DMD: variants seen among roughly 807,000 people sequenced by gnomAD.
DMD encodes mutant dystrophin.
In DMD, 63 loss-of-function variants were observed where a neutral mutation model predicts 330.1. The ratio of observed to expected loss-of-function variants is 0.19; its 90% CI spans 0.16 to 0.24. The LOEUF (loss-of-function observed/expected upper bound fraction) is 0.24, where lower values mean the gene tolerates loss of function less well. Ranked by LOEUF, DMD falls within the 10% of genes least tolerant of loss-of-function variation. The pLI is 1.00. For missense variants in DMD, 3,344 were observed against 2,684.1 expected, an observed-to-expected ratio of 1.25 and a Z score of -5.43; for synonymous variants, 1,223 against 959.8, an observed-to-expected ratio of 1.27 and a Z score of -5.07.
At chrX:32,684,181 A>C (rs981755270) in intron 9 of DMD, among the ~76,000 whole-genome samples, 1 of 110,301 alleles carries the variant, frequency 9.1e-6, no homozygotes, top group Non-Finnish European at 1.9e-5. Flanking sequence ...CTCCCTATGT[A>C]AGTGTTTAGT....
At chrX:31,190,276 G>A (rs1055959425) in intron 67 of DMD, among the ~76,000 whole-genome samples, 22 of 111,242 alleles carry the variant, frequency 2.0e-4, no homozygotes, top group African/African-American at 6.9e-4. Flanking sequence ...AAAAACAGAA[G>A]TTTACATAAG....
intron 48 of DMD, among the ~76,000 whole-genome samples, chrX:31,847,714 CAT>C (rs772059291): frequency 3.6e-5 from 4 of 111,832 alleles, no homozygotes; most frequent in Admixed American, 9.5e-5. Flanking sequence ...AAAGAAACCA[CAT>C]GAGATGGAAA....
intron 42 of DMD, among the ~76,000 whole-genome samples, chrX:32,305,927 C>A (rs1428357630): frequency 9.0e-6 from 1 of 110,926 alleles, no homozygotes; most frequent in African/African-American, 3.3e-5. Context: ...GACTCCCTTA[C>A]CTTCTTCCAA....
At position 32,418,972 on chromosome X, in the gene DMD, C is replaced by CAAAAAAAAAAAAAAAAAAAAAAAAAAAAA. The variant is rs1160282195; in HGVS notation, c.4072-7060_4072-7059insTTTTTTTTTTTTTTTTTTTTTTTTTTTTT. The stretch of plus-strand genomic sequence containing the variant: ...TGGGTGACAGAGTGAGACTCTGTCT[C>CAAAAAAAAAAAAAAAAAAAAAAAAAAAAA]AAAAAAAAAAAAAAAAAAAAAAAAA... On this transcript the variant is annotated intron_variant, in intron 29 of 78. Transcript: ENST00000357033. Among the ~76,000 whole-genome samples the CAAAAAAAAAAAAAAAAAAAAAAAAAAAAA allele has an allele frequency of 3.0e-4, 4 of 13,508 alleles. 1 individual carries two copies. Among genetic ancestry groups the CAAAAAAAAAAAAAAAAAAAAAAAAAAAAA allele is most frequent in the African/African-American group, 4.5e-4 (2 of 4,480 alleles). The allele number at this position is 13,508 out of a possible 115,157, so 11.7% of individuals were successfully genotyped here. A position where few individuals can be genotyped will look rare whatever the true frequency, so the allele number is the denominator to read the frequency against.
chrX:31,798,649 A>AT (rs2091934989), intron 50 of DMD, among the ~76,000 whole-genome samples: 1 of 111,697 alleles, frequency 9.0e-6, no homozygotes, highest in Non-Finnish European at 1.9e-5. Context: ...TCTGGGCACC[A>AT]TTCTAGGCAC....
At chrX:32,897,068 T>C (rs1466657171) in intron 2 of DMD, among the ~76,000 whole-genome samples, 1 of 105,225 alleles carries the variant, frequency 9.5e-6, no homozygotes, top group Non-Finnish European at 1.9e-5. Flanking sequence ...AATATATTTT[T>C]TTCATCAACG....
At chrX:31,746,349 T>C (rs1195877724) in intron 51 of DMD, among the ~76,000 whole-genome samples, 1 of 111,710 alleles carries the variant, frequency 9.0e-6, no homozygotes, top group Non-Finnish European at 1.9e-5. Context: ...TCTTCTGCTG[T>C]CTTCACATGG....
At chrX:33,256,698 C>T (rs1361607015) in intron 1 of DMD, among the ~76,000 whole-genome samples, 1 of 108,871 alleles carries the variant, frequency 9.2e-6, no homozygotes, top group Non-Finnish European at 1.9e-5. Flanking sequence ...TTTGTTTCAC[C>T]TGAACTAACA....
At chrX:32,640,039 C>CA (rs2059351147) in intron 11 of DMD, among the ~76,000 whole-genome samples, 1 of 108,257 alleles carries the variant, frequency 9.2e-6, no homozygotes, top group Non-Finnish European at 1.9e-5. Context: ...TCATTCCCTG[C>CA]AAAATTTTTT....
At chrX:31,206,406 A>C (rs771311401) in intron 66 of DMD, among the ~76,000 whole-genome samples, 176 bp downstream of exon 66, 4 of 112,635 alleles carry the variant, frequency 3.6e-5, no homozygotes, top group Non-Finnish European at 7.5e-5. Context: ...AAATGCCTGC[A>C]ATTTAATGTT....
At chrX:33,202,133 A>C (rs1002684798) in intron 1 of DMD, among the ~76,000 whole-genome samples, 1 of 111,823 alleles carries the variant, frequency 8.9e-6, no homozygotes, top group African/African-American at 3.2e-5. Context: ...CCAAAATTTT[A>C]ATGGGTTTTA....
chrX:32,263,100 T>C (rs1603629531), intron 43 of DMD, among the ~76,000 whole-genome samples: 1 of 112,336 alleles, frequency 8.9e-6, no homozygotes, highest in East Asian at 2.8e-4. Flanking sequence ...GAAGTTAAAA[T>C]GTAGAAAACA....
intron 44 of DMD, among the ~76,000 whole-genome samples, chrX:32,166,083 C>T (rs72626018): frequency 0.031 from 3,408 of 111,099 alleles, 100 homozygotes; most frequent in Admixed American, 0.15. Flanking sequence ...GGTATGAAAA[C>T]GGGCTAATAC....
At chrX:33,077,139 G>A (rs2406360) in intron 1 of DMD, among the ~76,000 whole-genome samples, 6,636 of 110,847 alleles carry the variant, frequency 0.06, 482 homozygotes, top group African/African-American at 0.21. Flanking sequence ...CAGTTTGGTG[G>A]GGGTCAGAAT....
chrX:32,221,769 C>G (rs180780539), intron 43 of DMD, among the ~76,000 whole-genome samples: 2 of 111,622 alleles, frequency 1.8e-5, no homozygotes, highest in East Asian at 5.7e-4. Flanking sequence ...CTTTGTGTAC[C>G]TACAGCGTAG....
chrX:32,409,856 C>A (rs776087727), intron 30 of DMD, among the ~76,000 whole-genome samples: 12 of 111,309 alleles, frequency 1.1e-4, no homozygotes, highest in Non-Finnish European at 1.7e-4. Context: ...AATTCAGAAA[C>A]AATTACTCAT....
At chrX:32,741,060 G>C (rs904540720) in intron 7 of DMD, among the ~76,000 whole-genome samples, 1 of 111,543 alleles carries the variant, frequency 9.0e-6, no homozygotes, top group Admixed American at 9.6e-5. Flanking sequence ...GTAACCTTTA[G>C]AAAATAAGTG....
rs146782993 is a variant in DMD at position 33,128,643 on chromosome X, C to T, written c.31+82639G>A. Among the ~76,000 whole-genome samples the T allele has an allele frequency of 3.0e-3, 334 of 111,810 alleles. 1 individual carries two copies. The highest frequency in any genetic ancestry group is 0.01 in the African/African-American group (322 of 30,745). ...CACCTGTATTTTTGTCTGGTATTCA[C>T]GTGAACTCGACAGTGCACTCATTTA... is the stretch of plus-strand genomic sequence containing the variant. On this transcript the variant is annotated intron_variant, in intron 1 of 78. Coordinates refer to ENST00000357033, the MANE Select transcript of DMD (RefSeq NM_004006.3).
At chrX:32,616,969 T>C (rs2057632687) in intron 11 of DMD, among the ~76,000 whole-genome samples, 1 of 109,992 alleles carries the variant, frequency 9.1e-6, no homozygotes, top group South Asian at 3.9e-4. Context: ...AACTACCTCT[T>C]CAACATTTTG....
Sources: gnomAD v4.1 joint callset for allele counts (sites outside exome capture counted in the v4.1 genomes callset) on GRCh38, gnomAD v4.1.1 for gene constraint, MANE v1.5 for transcripts, NCBI Gene and HGNC (gene_info 2026-07-23, HGNC 2026-07-21) for gene names.